PUS7: variants seen among roughly 807,000 people sequenced by gnomAD.
PUS7 encodes pseudouridine synthase 7.
Under a neutral mutation model 79.8 loss-of-function variants are expected in PUS7, and 48 were observed. The ratio of observed to expected loss-of-function variants is 0.60; its 90% CI spans 0.48 to 0.76. The LOEUF (loss-of-function observed/expected upper bound fraction) is 0.76. Ranked by LOEUF, PUS7 falls within the 30% of genes least tolerant of loss-of-function variation. The probability of loss-of-function intolerance (pLI) is 0.00; values close to 1 mark genes in which losing one functional copy is unlikely to be tolerated. For missense variants in PUS7, 729 were observed against 797.6 expected, an observed-to-expected ratio of 0.91 and a Z score of 1.04; for synonymous variants, 286 against 272.2, an observed-to-expected ratio of 1.05 and a Z score of -0.50.
Position 105,513,950 on chromosome 7 carries a change from C to T in PUS7, c.-32-5406G>A, listed in dbSNP as rs13233766. ...AAAGCTGGCTGGGCGCGGTGGCTCA[C>T]GCCTGTAATCCCAGCACTTTGGGAG... On this transcript the variant is annotated intron_variant, in intron 1 of 15. Coordinates refer to ENST00000469408, the MANE Select transcript of PUS7 (RefSeq NM_019042.5). 1.2e-4 allele frequency among the ~76,000 whole-genome samples: 16 copies of T among 135,924 alleles called. 3 individuals are homozygous for T. The South Asian group carries it at 1.9e-3, about 16-fold the overall frequency. 89.2% of individuals were successfully genotyped at this position (135,924 alleles called of 152,430 possible).
intron 5 of PUS7, among the ~76,000 whole-genome samples, chr7:105,498,616 G>A (rs569710720): frequency 1.4e-4 from 22 of 152,240 alleles, no homozygotes; most frequent in African/African-American, 5.1e-4. Flanking sequence ...ATGAAAAGAT[G>A]GGGTAGCATG....
intron 7 of PUS7, among the ~76,000 whole-genome samples, chr7:105,489,261 T>C (rs959986285): frequency 1.2e-4 from 18 of 147,172 alleles, no homozygotes; most frequent in African/African-American, 4.6e-4. Context: ...TCACAGGAGG[T>C]GACTAGGTAT....
At chr7:105,519,565 T>C (rs1826025661) in intron 1 of PUS7, among the ~76,000 whole-genome samples, 1 of 152,206 alleles carries the variant, frequency 6.6e-6, no homozygotes, top group African/African-American at 2.4e-5. Flanking sequence ...CATTCTAATA[T>C]GCAAAATCAT....
intron 11 of PUS7, among the ~76,000 whole-genome samples, chr7:105,469,605 G>A (rs1175450235): frequency 2.0e-5 from 3 of 152,180 alleles, no homozygotes; most frequent in Admixed American, 6.5e-5. Context: ...GATTACAGGC[G>A]TCTGCCACCA....
At chr7:105,469,322 ACT>A (rs533958042) in intron 11 of PUS7, among the ~76,000 whole-genome samples, 101 of 150,730 alleles carry the variant, frequency 6.7e-4, no homozygotes, top group African/African-American at 2.2e-3. Context: ...ACAAGGTCTC[ACT>A]CTGTCACCTA....
At chr7:105,500,310 AAAAG>A (rs1417435348) in intron 5 of PUS7, among the ~76,000 whole-genome samples, 1 of 152,150 alleles carries the variant, frequency 6.6e-6, no homozygotes, top group Non-Finnish European at 1.5e-5. Context: ...AACAACAAAA[AAAAG>A]AAAGGCGGGT....
At chr7:105,511,160 TAGC>T (rs1825685945) in intron 1 of PUS7, among the ~76,000 whole-genome samples, 2 of 151,508 alleles carry the variant, frequency 1.3e-5, no homozygotes, top group African/African-American at 4.8e-5. Context: ...GCCTCCCAAG[TAGC>T]TGGGATTACA....
chr7:105,463,627 T>C (rs1752319150), intron 13 of PUS7, among the ~76,000 whole-genome samples: 1 of 142,616 alleles, frequency 7.0e-6, no homozygotes, highest in African/African-American at 2.6e-5. Flanking sequence ...TTATTCCTAT[T>C]AAATACCTTC....
At chr7:105,495,996 C>A (rs1014105879) in intron 5 of PUS7, among the ~76,000 whole-genome samples, 5 of 151,584 alleles carry the variant, frequency 3.3e-5, no homozygotes, top group African/African-American at 1.2e-4. Flanking sequence ...CCCGTCTCTA[C>A]TAAAAATACA....
At chr7:105,468,228 TCAC>T (rs779855486) in intron 12 of PUS7, 106 bp downstream of exon 12, 189 of 1,435,970 alleles carry the variant, frequency 1.3e-4, no homozygotes, top group Non-Finnish European at 1.8e-4. Context: ...CCACCGTGCC[TCAC>T]CACATCTCTC....
chr7:105,492,601 GT>G (rs1459149172), intron 6 of PUS7, among the ~76,000 whole-genome samples: 4 of 148,712 alleles, frequency 2.7e-5, no homozygotes, highest in African/African-American at 9.9e-5. Context: ...CGCCTCCCGG[GT>G]TCACGCCATT....
rs900169262 is a variant in PUS7, at chr7:105,502,645, C to T, written c.586-81G>A. 9.7e-6 allele frequency: 14 copies of T among 1,437,084 alleles called. No individual in the cohort carries two copies. In the African/African-American group the frequency reaches 1.9e-4, roughly 19 times the overall value. The allele number at this position is 1,437,084 out of a possible 1,614,324, so 89.0% of individuals were successfully genotyped here. On this transcript the variant is annotated intron_variant, in intron 4 of 15. Coordinates refer to ENST00000469408, the MANE Select transcript of PUS7 (RefSeq NM_019042.5). ...GTAATACAGTGAATTAGTAAAAACA[C>T]TGCTCACCTTATTAACTACGCAAAA...
intron 1 of PUS7, among the ~76,000 whole-genome samples, chr7:105,518,515 C>T (rs1184126311): frequency 6.6e-6 from 1 of 151,710 alleles, no homozygotes; most frequent in Non-Finnish European, 1.5e-5. Flanking sequence ...GATCCTCCCA[C>T]TTCAGCCACC....
rs769788716 is a variant in PUS7 at position 105,508,334 on chromosome 7, C to T, written c.179G>A (p.Arg60Gln). ...CCCAGTACTGACAGTGTCAGGAGGC[C>T]GAGGCACGTCTTCACTGATGGACAG... ...DFLSISEDVP[R>Q]PPDTVSTGKG... is the part of the protein sequence containing the mutation. The change falls in exon 2 of 16, where the codon CGG becomes CAG. Residue 60 changes from arginine to glutamine, a missense_variant. Transcript: ENST00000469408. 6.5e-5 allele frequency: 105 copies of T among 1,613,972 alleles called. No homozygotes were observed. The highest frequency in any genetic ancestry group is 1.6e-4 in the Middle Eastern group (1 of 6,082).
intron 5 of PUS7, chr7:105,496,948 T>G (rs1319401625): frequency 2.5e-6 from 3 of 1,215,828 alleles, no homozygotes; most frequent in African/African-American, 3.1e-5. Context: ...TGCCAAATGC[T>G]CTTACCTGCT....
intron 9 of PUS7, among the ~76,000 whole-genome samples, chr7:105,473,947 AT>A (rs1195337260): frequency 2.0e-5 from 3 of 152,358 alleles, no homozygotes; most frequent in Admixed American, 6.5e-5. Flanking sequence ...TTTAGAGCAT[AT>A]TTTTGTTGGC....
At chr7:105,494,830 G>A (rs1824940163) in intron 6 of PUS7, among the ~76,000 whole-genome samples, 1 of 151,876 alleles carries the variant, frequency 6.6e-6, no homozygotes, top group Admixed American at 6.6e-5. Context: ...AATAAAATTA[G>A]CCTGGCATTG....
In PUS7 at chr7:105,495,968, T is replaced by C. The variant is rs552746873; in HGVS notation, c.731-715A>G. Among the ~76,000 whole-genome samples the C allele has an allele frequency of 1.1e-3, 167 of 151,986 alleles. 1 individual carries two copies. The highest frequency in any genetic ancestry group is 1.4e-3 in the Non-Finnish European group (94 of 67,980). ...TGAGGTCAGGAGTTTGAGACAAGCC[T>C]GGCCAACATGGTGAAACCCCGTCTC... On this transcript the variant is annotated intron_variant, in intron 5 of 15. Coordinates refer to ENST00000469408, the MANE Select transcript of PUS7 (RefSeq NM_019042.5).
intron 9 of PUS7, among the ~76,000 whole-genome samples, chr7:105,477,465 G>A (rs1449375574): frequency 1.3e-5 from 2 of 151,984 alleles, no homozygotes; most frequent in Admixed American, 1.3e-4. Flanking sequence ...GGCCAGGCTG[G>A]TCTTGAACTC....
Sources: gnomAD v4.1 joint callset for allele counts (sites outside exome capture counted in the v4.1 genomes callset) on GRCh38, gnomAD v4.1.1 for gene constraint, MANE v1.5 for transcripts, NCBI Gene and HGNC (gene_info 2026-07-23, HGNC 2026-07-21) for gene names.